SEC14L1: variants seen among roughly 807,000 people sequenced by gnomAD.
SEC14L1 encodes the protein SEC14 like lipid binding 1.
A neutral mutation model predicts 85.3 loss-of-function variants in SEC14L1; 48 were observed. That is an observed-to-expected ratio of 0.56 (90% CI 0.45 to 0.72). The LOEUF (loss-of-function observed/expected upper bound fraction) is 0.72, where lower values mean the gene tolerates loss of function less well. Among genes scored for constraint, SEC14L1 ranks in the 30% least tolerant of loss-of-function variants. SEC14L1 has a pLI of 0.00. For missense variants in SEC14L1, 682 were observed against 921.4 expected (o/e 0.74, Z 3.36); for synonymous variants, 391 against 355.5 (o/e 1.10, Z -1.12).
At chr17:77,139,104 AT>A (rs1972881730), upstream of SEC14L1, among the ~76,000 whole-genome samples, 1 of 149,316 alleles carries the variant, frequency 6.7e-6, no homozygotes, top group South Asian at 2.1e-4. Context: ...ATGTTCCTCT[AT>A]TCTGTATTTC....
intron 5 of SEC14L1, 36 bp downstream of exon 5, chr17:77,191,348 C>G (rs754348377): frequency 3.7e-6 from 6 of 1,610,870 alleles, no homozygotes; most frequent in Middle Eastern, 1.7e-4. Context: ...GATGTTCTGC[C>G]GACATATGGC....
At chr17:77,160,603 A>G (rs1974013339) in intron 3 of SEC14L1, among the ~76,000 whole-genome samples, 1 of 152,246 alleles carries the variant, frequency 6.6e-6, no homozygotes, top group Admixed American at 6.5e-5. Context: ...GACATTCAAG[A>G]TTTATTGACG....
chr17:77,146,075 G>A lies in SEC14L1; in HGVS notation c.63+2416G>A, dbSNP rs548635926. 2.6e-5 allele frequency among the ~76,000 whole-genome samples: 4 copies of A among 152,200 alleles called. No homozygotes were observed. In the South Asian group the frequency reaches 8.3e-4, roughly 32 times the overall value. Reference sequence around the variant, plus strand: ...CTTGATCTAGTTCATTCCCCACCCCGACCCCTGCCCTGGTCCTGGGTTTGA... The same window carrying A: ...CTTGATCTAGTTCATTCCCCACCCCAACCCCTGCCCTGGTCCTGGGTTTGA... On this transcript the variant is annotated intron_variant, in intron 3 of 16. Coordinates refer to ENST00000436233, the MANE Select transcript of SEC14L1 (RefSeq NM_001143998.2).
At chr17:77,193,755 C>G (rs1975659422) in intron 6 of SEC14L1, among the ~76,000 whole-genome samples, 1 of 152,174 alleles carries the variant, frequency 6.6e-6, no homozygotes, top group African/African-American at 2.4e-5. Flanking sequence ...GCCTGTAGCT[C>G]TAGCAATGGC....
intron 3 of SEC14L1, among the ~76,000 whole-genome samples, chr17:77,166,827 A>G (rs1974303669): frequency 6.6e-6 from 1 of 152,236 alleles, no homozygotes; most frequent in Non-Finnish European, 1.5e-5. Context: ...TGACAGAGCA[A>G]GACTCAGTCT....
intron 3 of SEC14L1, among the ~76,000 whole-genome samples, chr17:77,147,968 AG>A (rs1973387885): frequency 6.6e-6 from 1 of 152,194 alleles, no homozygotes; most frequent in African/African-American, 2.4e-5. Flanking sequence ...TGTGCCTTAA[AG>A]GGTTTAAGAT....
At chr17:77,186,665 A>C (rs1975281483) in intron 3 of SEC14L1, among the ~76,000 whole-genome samples, 1 of 152,236 alleles carries the variant, frequency 6.6e-6, no homozygotes, top group African/African-American at 2.4e-5. Context: ...AAGGAATTGT[A>C]GTAAAAACCC....
intron 3 of SEC14L1, among the ~76,000 whole-genome samples, chr17:77,178,467 T>G (rs1974857964): frequency 6.6e-6 from 1 of 152,184 alleles, no homozygotes; most frequent in Non-Finnish European, 1.5e-5. Context: ...TTTTTCAAGG[T>G]CCTTTAGAAT....
chr17:77,107,447 T>G (rs1305821635), intron 3 of SEC14L1, among the ~76,000 whole-genome samples: 1 of 152,168 alleles, frequency 6.6e-6, no homozygotes, highest in Non-Finnish European at 1.5e-5. Flanking sequence ...GGAAAAAAAT[T>G]CAAAAGTATT....
chr17:77,110,864 T>G (rs1598231894), intron 3 of SEC14L1, among the ~76,000 whole-genome samples: 1 of 108,458 alleles, frequency 9.2e-6, no homozygotes, highest in East Asian at 2.5e-4. Context: ...GGCGACAGAG[T>G]GAGACTCTGT....
chr17:77,104,226 TCTC>T (rs1214133343), intron 3 of SEC14L1, among the ~76,000 whole-genome samples: 2 of 150,332 alleles, frequency 1.3e-5, no homozygotes, highest in African/African-American at 4.9e-5. Context: ...TTCAAGCAAT[TCTC>T]CTGCCTCAGT....
At chr17:77,090,723 C>CTCACACCTGTAATCACAGCACTTTTGG (rs1971492257) in intron 2 of SEC14L1, among the ~76,000 whole-genome samples, 1 of 152,000 alleles carries the variant, frequency 6.6e-6, no homozygotes, top group Non-Finnish European at 1.5e-5. Context: ...GGCGCGGTGG[C>CTCACACCTGTAATCACAGCACTTTTGG]TCACACCTGT....
intron 3 of SEC14L1, among the ~76,000 whole-genome samples, chr17:77,154,978 T>G (rs1323679997): frequency 6.6e-5 from 10 of 152,236 alleles, no homozygotes; most frequent in Non-Finnish European, 1.5e-5. Flanking sequence ...CCTCTGATTT[T>G]GCTGTTTGGG....
At chr17:77,140,670 G>GCCCCCC (rs1567888419), upstream of SEC14L1, 10 of 152,056 alleles carry the variant, frequency 6.6e-5, no homozygotes, top group Admixed American at 1.3e-4. Context: ...GCCCAGCCCG[G>GCCCCCC]CCCCGCCCCC....
chr17:77,149,614 CT>C (rs1973466576), intron 3 of SEC14L1, among the ~76,000 whole-genome samples: 1 of 152,148 alleles, frequency 6.6e-6, no homozygotes, highest in Non-Finnish European at 1.5e-5. Flanking sequence ...AGAGAGGATC[CT>C]TTGAGCCCAG....
At chr17:77,111,950 T>G (rs1314026065) in intron 3 of SEC14L1, among the ~76,000 whole-genome samples, 1 of 152,104 alleles carries the variant, frequency 6.6e-6, no homozygotes, top group African/African-American at 2.4e-5. Context: ...AATGATACAG[T>G]TTGTCCGTGT....
intron 3 of SEC14L1, among the ~76,000 whole-genome samples, chr17:77,097,483 A>G (rs147749396): frequency 0.021 from 3,194 of 152,188 alleles, 71 homozygotes; most frequent in Admixed American, 0.053. Flanking sequence ...AGAATCTCTT[A>G]AACCTGGGAG....
intron 13 of SEC14L1, among the ~76,000 whole-genome samples, chr17:77,207,628 T>A (rs59562738): frequency 0.021 from 3,216 of 152,092 alleles, 134 homozygotes; most frequent in African/African-American, 0.073. Context: ...ATTGTTTTAT[T>A]TTTAGTAGAG....
chr17:77,094,856 C>G (rs1046570203), intron 3 of SEC14L1: 3 of 152,184 alleles, frequency 2.0e-5, no homozygotes, highest in African/African-American at 7.2e-5. Context: ...ACATTCTCCT[C>G]TGCATGCTTG....
Sources: allele counts gnomAD v4.1 joint callset (sites outside exome capture counted in the v4.1 genomes callset), GRCh38; gene constraint gnomAD v4.1.1; transcripts MANE v1.5; gene names NCBI Gene and HGNC (gene_info 2026-07-23, HGNC 2026-07-21).